ZRANB3: variants seen among roughly 807,000 people sequenced by gnomAD.
ZRANB3 encodes the protein zinc finger RANBP2-type containing 3, also known as DNA annealing helicase and endonuclease ZRANB3.
In ZRANB3, 125 loss-of-function variants were observed where a neutral mutation model predicts 133.8. The observed-to-expected ratio is 0.93, with a 90% confidence interval of 0.81 to 1.08. The LOEUF is 1.08. ZRANB3 is among the 50% of genes least tolerant of loss of function. The pLI, the probability that ZRANB3 is intolerant of heterozygous loss-of-function variation, is 0.00. For missense variants in ZRANB3, 1,229 were observed against 1,275.5 expected (o/e 0.96, Z 0.56); for synonymous variants, 387 against 432.7 (o/e 0.89, Z 1.31).
intron 8 of ZRANB3, among the ~76,000 whole-genome samples, chr2:135,300,852 G>C (rs1287944020): frequency 6.6e-6 from 1 of 152,124 alleles, no homozygotes; most frequent in African/African-American, 2.4e-5. Flanking sequence ...CACACAGCTA[G>C]TTATTCCTCT....
chr2:135,333,045 C>T (rs532272851), intron 6 of ZRANB3, among the ~76,000 whole-genome samples: 1 of 152,212 alleles, frequency 6.6e-6, no homozygotes, highest in South Asian at 2.1e-4. Context: ...AGAAATTGTA[C>T]CTTAGAGAAA....
chr2:135,268,351 G>C lies in ZRANB3; in HGVS notation c.1386+611C>G, dbSNP rs560534955. Among the ~76,000 whole-genome samples the C allele has an allele frequency of 2.0e-5, 3 of 152,000 alleles. No individual in the cohort carries two copies. In the South Asian group the frequency reaches 6.2e-4, roughly 32 times the overall value. On this transcript the variant is annotated intron_variant, in intron 11 of 20. Transcript: ENST00000264159. ...AGCTAATTTTTTTGTATTTTTAGTA[G>C]AGACAGGGGTTCACCATGTTGGCCA...
intron 14 of ZRANB3, among the ~76,000 whole-genome samples, chr2:135,226,595 T>C (rs1165364759): frequency 6.6e-6 from 1 of 152,222 alleles, no homozygotes; most frequent in Non-Finnish European, 1.5e-5. Flanking sequence ...AAAGTGATTT[T>C]TAAAAAACAT....
intron 15 of ZRANB3, among the ~76,000 whole-genome samples, chr2:135,222,342 C>T (rs1376552344): frequency 6.7e-6 from 1 of 149,062 alleles, no homozygotes; most frequent in East Asian, 2.0e-4. Context: ...GCAGAGGTTG[C>T]AGTGAACCGA....
chr2:135,416,000 C>A (rs1688554713), intron 2 of ZRANB3, among the ~76,000 whole-genome samples: 1 of 149,126 alleles, frequency 6.7e-6, no homozygotes, highest in Non-Finnish European at 1.5e-5. Flanking sequence ...CAGCCAATAT[C>A]ATACTGAATG....
At chr2:135,299,784 C>G (rs1682342271) in intron 8 of ZRANB3, among the ~76,000 whole-genome samples, 1 of 152,004 alleles carries the variant, frequency 6.6e-6, no homozygotes, top group African/African-American at 2.4e-5. Flanking sequence ...TAATATATGC[C>G]AATACCATAA....
chr2:135,307,142 T>C (rs1210535302), intron 8 of ZRANB3, among the ~76,000 whole-genome samples: 2 of 152,190 alleles, frequency 1.3e-5, no homozygotes, highest in Non-Finnish European at 1.5e-5. Context: ...TCATAGCTCA[T>C]TGCAACTTCT....
intron 2 of ZRANB3, among the ~76,000 whole-genome samples, chr2:135,470,209 CA>C (rs1186020158): frequency 6.6e-6 from 1 of 151,082 alleles, no homozygotes; most frequent in Admixed American, 6.6e-5. Context: ...CCTATAATCC[CA>C]ACTACTCAGA....
At chr2:135,236,355 G>C (rs10928533) in intron 12 of ZRANB3, among the ~76,000 whole-genome samples, 36,377 of 151,082 alleles carry the variant, frequency 0.24, 6,923 homozygotes, top group African/African-American at 0.51. Flanking sequence ...TGAAAATGGC[G>C]ATACTGCCCA....
chr2:135,524,496 A>C (rs1388223389), intron 1 of ZRANB3, among the ~76,000 whole-genome samples: 1 of 152,208 alleles, frequency 6.6e-6, no homozygotes, highest in Non-Finnish European at 1.5e-5. Context: ...ACTTGGCTTT[A>C]AGAAGTCATA....
intron 2 of ZRANB3, among the ~76,000 whole-genome samples, chr2:135,407,622 G>C (rs1176609358): frequency 6.6e-6 from 1 of 151,452 alleles, no homozygotes; most frequent in African/African-American, 2.4e-5. Context: ...TACCAAAACA[G>C]AGATATAGAC....
intron 12 of ZRANB3, among the ~76,000 whole-genome samples, chr2:135,251,185 G>A (rs1391578758): frequency 1.3e-5 from 2 of 152,180 alleles, no homozygotes; most frequent in Non-Finnish European, 2.9e-5. Context: ...ACTTGCATGG[G>A]CCCTGTATCC....
intron 20 of ZRANB3, 50 bp from the exon 21 acceptor site, chr2:135,200,490 C>T (rs776787942): frequency 2.1e-6 from 3 of 1,422,710 alleles, no homozygotes; most frequent in South Asian, 2.5e-5. Flanking sequence ...AAAGCACCGG[C>T]TACAAAAGCT....
At chr2:135,383,431 G>C (rs1200260361) in intron 3 of ZRANB3, among the ~76,000 whole-genome samples, 1 of 152,250 alleles carries the variant, frequency 6.6e-6, no homozygotes, top group African/African-American at 2.4e-5. Flanking sequence ...ACATTAGACA[G>C]ATCAACGAGA....
chr2:135,507,926 C>T (rs536711367), intron 1 of ZRANB3, among the ~76,000 whole-genome samples: 1 of 149,074 alleles, frequency 6.7e-6, no homozygotes, highest in East Asian at 2.0e-4. Context: ...GATGACAGAG[C>T]GAGACTCTAT....
intron 2 of ZRANB3, among the ~76,000 whole-genome samples, chr2:135,474,250 TAGTTCC>T (rs956353377): frequency 1.3e-5 from 2 of 152,004 alleles, no homozygotes; most frequent in Non-Finnish European, 2.9e-5. Flanking sequence ...AACCAACAAT[TAGTTCC>T]AGTTCATTTT....
intron 18 of ZRANB3, 88 bp from the exon 19 acceptor site, chr2:135,207,924 A>G: frequency 8.0e-7 from 1 of 1,246,318 alleles, no homozygotes; most frequent in Non-Finnish European, 1.1e-6. Context: ...CAAAGTTTCA[A>G]TACGGATAAA....
In ZRANB3 at chr2:135,269,037, G is replaced by A; in HGVS notation, c.1311C>T (p.Cys437=). The part of the protein sequence containing the change: ...AEDRAHRIGQ[C]SSVNIHYLIA... Reference sequence around the variant, plus strand: ...TAAGGTAGTGAATATTCACAGAACTGCACTGGCCAATTCTGTGAGCTCGGT... The same window carrying A: ...TAAGGTAGTGAATATTCACAGAACTACACTGGCCAATTCTGTGAGCTCGGT... Residue 437 remains cysteine, a synonymous_variant, in exon 11 of 21, where the codon TGC becomes TGT. Transcript: ENST00000264159. 6.2e-7 allele frequency: 1 copy of A among 1,613,054 alleles called. No homozygotes were observed. The highest frequency in any genetic ancestry group is 8.5e-7 in the Non-Finnish European group (1 of 1,179,666).
At chr2:135,382,815 T>A (rs974705046) in intron 3 of ZRANB3, among the ~76,000 whole-genome samples, 7 of 152,194 alleles carry the variant, frequency 4.6e-5, no homozygotes, top group Admixed American at 1.3e-4. Context: ...CCACCAGGTC[T>A]GCCCTAAAAG....
Sources: gnomAD v4.1 joint callset for allele counts (sites outside exome capture counted in the v4.1 genomes callset) on GRCh38, gnomAD v4.1.1 for gene constraint, MANE v1.5 for transcripts, NCBI Gene and HGNC (gene_info 2026-07-23, HGNC 2026-07-21) for gene names.